Variants in NKAIN2 observed in about 807,000 individuals in gnomAD.
The protein encoded by NKAIN2 is sodium/potassium-transporting ATPase subunit beta-1-interacting protein 2.
NKAIN2 carries 14 observed loss-of-function variants against 32.6 expected under a neutral mutation model. That is an observed-to-expected ratio of 0.43 (90% confidence interval 0.28 to 0.67). The LOEUF (loss-of-function observed/expected upper bound fraction) is 0.67. Ranked by LOEUF, NKAIN2 falls within the 30% of genes least tolerant of loss-of-function variation. The pLI is 0.17. For synonymous variants in NKAIN2, 80 were observed against 87.2 expected (o/e 0.92, Z 0.46); for missense variants, 198 against 258.3 (o/e 0.77, Z 1.60).
intron 1 of NKAIN2, among the ~76,000 whole-genome samples, chr6:124,152,724 A>G (rs975902734): frequency 1.3e-5 from 2 of 151,954 alleles, no homozygotes; most frequent in Non-Finnish European, 2.9e-5. Context: ...GTGTTTGAGT[A>G]CTTCACAGTG....
intron 5 of NKAIN2, among the ~76,000 whole-genome samples, chr6:124,809,820 G>C (rs573467361): frequency 3.3e-5 from 5 of 152,012 alleles, no homozygotes; most frequent in Admixed American, 6.6e-5. Flanking sequence ...AAAAGTGGGC[G>C]AAGGACATGA....
At chr6:124,506,302 C>G (rs1484345937) in intron 3 of NKAIN2, among the ~76,000 whole-genome samples, 1 of 152,128 alleles carries the variant, frequency 6.6e-6, no homozygotes, top group Non-Finnish European at 1.5e-5. Flanking sequence ...TTATATTGCC[C>G]TATATCTGAA....
chr6:124,213,675 T>A (rs962931048), intron 1 of NKAIN2, among the ~76,000 whole-genome samples: 2 of 152,104 alleles, frequency 1.3e-5, no homozygotes, highest in African/African-American at 4.8e-5. Flanking sequence ...CAACATAGTT[T>A]ATAAATAATA....
At chr6:124,598,264 A>G (rs917620637) in intron 3 of NKAIN2, among the ~76,000 whole-genome samples, 13 of 152,154 alleles carry the variant, frequency 8.5e-5, no homozygotes, top group Non-Finnish European at 1.8e-4. Context: ...AATTGTAATT[A>G]TCATCTTTCT....
chr6:124,005,730 ATG>A (rs1241054858), intron 1 of NKAIN2, among the ~76,000 whole-genome samples: 1 of 152,172 alleles, frequency 6.6e-6, no homozygotes, highest in African/African-American at 2.4e-5. Context: ...CCATCAGCAT[ATG>A]AAATTTTAGT....
intron 4 of NKAIN2, among the ~76,000 whole-genome samples, chr6:124,731,723 G>T (rs1383023853): frequency 6.6e-6 from 1 of 150,978 alleles, no homozygotes; most frequent in Admixed American, 6.6e-5. Context: ...AAAAAAAAAA[G>T]AATGTGGAAG....
intron 1 of NKAIN2, among the ~76,000 whole-genome samples, chr6:123,892,414 G>A (rs1425771210): frequency 1.3e-5 from 2 of 152,058 alleles, no homozygotes; most frequent in Admixed American, 6.6e-5. Flanking sequence ...TTCACAGGGC[G>A]GCAGGAGAGA....
chr6:123,908,468 A>G (rs113994320), intron 1 of NKAIN2, among the ~76,000 whole-genome samples: 5,586 of 152,256 alleles, frequency 0.037, 179 homozygotes, highest in African/African-American at 0.079. Flanking sequence ...AATCGAATAG[A>G]TTGCTTAGTA....
At chr6:124,533,553 T>A (rs2114826946) in intron 3 of NKAIN2, among the ~76,000 whole-genome samples, 1 of 151,976 alleles carries the variant, frequency 6.6e-6, no homozygotes, top group Non-Finnish European at 1.5e-5. Context: ...TTATGTCCTC[T>A]TCCACCTCTC....
At chr6:124,661,565 C>T (rs1784745839) in intron 4 of NKAIN2, among the ~76,000 whole-genome samples, 1 of 152,146 alleles carries the variant, frequency 6.6e-6, no homozygotes, top group South Asian at 2.1e-4. Context: ...CAATCTACAG[C>T]CAAAGGAAGA....
chr6:124,410,365 T>A (rs1282215560), intron 3 of NKAIN2, among the ~76,000 whole-genome samples: 5 of 152,232 alleles, frequency 3.3e-5, no homozygotes, highest in Non-Finnish European at 7.3e-5. Context: ...CTGCTTTGAA[T>A]GTGTCCCAGG....
intron 1 of NKAIN2, among the ~76,000 whole-genome samples, chr6:124,193,008 T>C (rs1280840599): frequency 6.6e-6 from 1 of 152,052 alleles, no homozygotes; most frequent in African/African-American, 2.4e-5. Context: ...CTTGGCCTCC[T>C]AAAGTGCTGG....
At chr6:124,599,443 C>T (rs1782224844) in intron 3 of NKAIN2, among the ~76,000 whole-genome samples, 1 of 152,082 alleles carries the variant, frequency 6.6e-6, no homozygotes, top group Admixed American at 6.6e-5. Flanking sequence ...TTCCCTAAGC[C>T]TCACTATGAG....
At chr6:123,932,388 T>G (rs1776288829) in intron 1 of NKAIN2, among the ~76,000 whole-genome samples, 1 of 149,522 alleles carries the variant, frequency 6.7e-6, no homozygotes, top group African/African-American at 2.5e-5. Context: ...GTAGAGAAGT[T>G]TGGCCTTTTC....
intron 1 of NKAIN2, among the ~76,000 whole-genome samples, chr6:123,832,831 A>C (rs1043552786): frequency 6.6e-6 from 1 of 152,078 alleles, no homozygotes; most frequent in Non-Finnish European, 1.5e-5. Context: ...GTTTGTTTTC[A>C]TATTGTTCAC....
At chr6:124,051,847 T>C (rs995154917) in intron 1 of NKAIN2, among the ~76,000 whole-genome samples, 3 of 152,022 alleles carry the variant, frequency 2.0e-5, no homozygotes, top group Admixed American at 6.6e-5. Flanking sequence ...TAAAAGTTTA[T>C]CTAAGAATTT....
chr6:124,736,003 G>C (rs2114676563), intron 4 of NKAIN2, among the ~76,000 whole-genome samples: 1 of 151,964 alleles, frequency 6.6e-6, no homozygotes, highest in South Asian at 2.1e-4. Context: ...GCTTAGTGGA[G>C]GAAGAAGGCA....
chr6:124,792,041 C>T (rs1411272288), intron 5 of NKAIN2, among the ~76,000 whole-genome samples: 7 of 152,066 alleles, frequency 4.6e-5, no homozygotes, highest in Non-Finnish European at 1.0e-4. Context: ...CTCTCCGAAA[C>T]ATGGAGGGTA....
At chr6:124,749,743 T>C (rs1440517177) in intron 4 of NKAIN2, among the ~76,000 whole-genome samples, 1 of 152,016 alleles carries the variant, frequency 6.6e-6, no homozygotes, top group Non-Finnish European at 1.5e-5. Context: ...CATAAAATTC[T>C]AAAATTGTAG....
Sources: gnomAD v4.1 joint callset for allele counts (sites outside exome capture counted in the v4.1 genomes callset) on GRCh38, gnomAD v4.1.1 for gene constraint, MANE v1.5 for transcripts, NCBI Gene and HGNC (gene_info 2026-07-23, HGNC 2026-07-21) for gene names.